The following AP3M2 variants were observed in gnomAD, a reference collection of about 807,000 sequenced individuals.
AP3M2 encodes adaptor related protein complex 3 subunit mu 2.
Under a neutral mutation model 41.6 loss-of-function variants are expected in AP3M2, and 28 were observed. The observed-to-expected ratio is 0.67, with a 90% confidence interval of 0.50 to 0.92. The LOEUF (loss-of-function observed/expected upper bound fraction) is 0.92, where lower values mean the gene tolerates loss of function less well. Among genes scored for constraint, AP3M2 ranks in the 40% least tolerant of loss-of-function variants. AP3M2 has a pLI of 0.00. For synonymous variants in AP3M2, 193 were observed against 186.4 expected (o/e 1.04, Z -0.29); for missense variants, 427 against 521.4 (o/e 0.82, Z 1.76).
chr8:42,154,664 C>T lies in AP3M2; in HGVS notation c.-24C>T, dbSNP rs1308956158. 6.2e-7 allele frequency: 1 copy of T among 1,609,836 alleles called. No individual in the cohort carries two copies. Among genetic ancestry groups the T allele is most frequent in the Non-Finnish European group, 8.5e-7 (1 of 1,177,784 alleles). On this transcript the variant is annotated 5_prime_UTR_variant, in exon 2 of 9. Transcript: ENST00000396926. ...AGGCTTTCAGACTGAAAAAGGCTTT[C>T]TTCTGTCACTGACAATCGCCACCAT...
chr8:42,162,942 T>TAAAA (rs1804545028), intron 4 of AP3M2, among the ~76,000 whole-genome samples: 2 of 24,908 alleles, frequency 8.0e-5, no homozygotes, highest in Admixed American at 7.5e-4. Flanking sequence ...AGACCCTGTC[T>TAAAA]CAAAAAAAAA....
At position 42,167,184 on chromosome 8, in the gene AP3M2, A is replaced by G. The variant is rs774847874; in HGVS notation, c.824A>G (p.Tyr275Cys). ...TCCAGTCTGGTTGCAATCCCAGTGT[A>G]TGTCAAACATAACATCAGTTTCCGG... ...SAQNLVAIPV[Y>C]VKHNISFRDS... Residue 275 changes from tyrosine to cysteine, a missense_variant, in exon 7 of 9, where the codon TAT becomes TGT. Physicochemically the swap from Tyr to Cys is radical, Grantham distance 194 (BLOSUM62 -2). Transcript: ENST00000396926. The G allele has an allele frequency of 1.9e-6, 3 of 1,614,176 alleles. No individual in the cohort carries two copies. Among genetic ancestry groups the G allele is most frequent in the Non-Finnish European group, 2.5e-6 (3 of 1,180,026 alleles).
chr8:42,158,254 T>G (rs1564116373), intron 3 of AP3M2, 142 bp downstream of exon 3: 30 of 823,328 alleles, frequency 3.6e-5, no homozygotes, highest in African/African-American at 5.2e-5. Flanking sequence ...GTAGTTGTTT[T>G]TTTTTTTTTT....
At chr8:42,153,568 G>A (rs896350994) in intron 1 of AP3M2, 1 of 152,290 alleles carries the variant, frequency 6.6e-6, no homozygotes, top group Admixed American at 6.5e-5. Context: ...TTGACCACCC[G>A]CGCCGGTTCG....
chr8:42,156,756 C>A (rs778228750), intron 2 of AP3M2, among the ~76,000 whole-genome samples: 5 of 152,058 alleles, frequency 3.3e-5, no homozygotes, highest in Admixed American at 2.0e-4. Flanking sequence ...CTAGTAGAGT[C>A]TGTTCAGTTT....
At chr8:42,163,591 C>A (rs1047704608) in intron 4 of AP3M2, among the ~76,000 whole-genome samples, 1 of 152,056 alleles carries the variant, frequency 6.6e-6, no homozygotes, top group Admixed American at 6.5e-5. Flanking sequence ...GATTTGGGAG[C>A]AAAGTATGCG....
chr8:42,170,626 C>G lies in AP3M2; in HGVS notation c.*1565C>G, dbSNP rs1804773645. 1 of 152,294 alleles carries G rather than the reference C, an allele frequency of 6.6e-6. No individual in the cohort carries two copies. Among genetic ancestry groups the G allele is most frequent in the African/African-American group, 2.4e-5 (1 of 41,452 alleles). The allele number at this position is 152,294 out of a possible 1,614,324, so 9.4% of individuals were successfully genotyped here. The stretch of plus-strand genomic sequence containing the variant: ...AGTTTTTGCTAGTTTTATCTTCTGA[C>G]TTTGGGACTAGTTTTTGCTGCAGAG... On this transcript the variant is annotated 3_prime_UTR_variant, in exon 9 of 9. Transcript: ENST00000396926.
chr8:42,158,193 G>A, intron 3 of AP3M2, 81 bp downstream of exon 3: 1 of 1,448,788 alleles, frequency 6.9e-7, no homozygotes, highest in East Asian at 2.3e-5. Flanking sequence ...ATTGTTTTGA[G>A]TGTTTGTCTT....
intron 2 of AP3M2, 91 bp downstream of exon 2, chr8:42,155,051 A>C (rs1323275385): frequency 1.3e-6 from 1 of 740,972 alleles, no homozygotes; most frequent in Non-Finnish European, 2.0e-6. Context: ...TAAGAAACTT[A>C]AAAAAAAAAA....
chr8:42,168,254 G>A (rs776554621), intron 8 of AP3M2: 6 of 456,814 alleles, frequency 1.3e-5, no homozygotes, highest in Non-Finnish European at 1.8e-5. Flanking sequence ...TTCCAGGTCA[G>A]TTCACTATAG....
chr8:42,169,942 C>T lies in AP3M2; in HGVS notation c.*881C>T, dbSNP rs925422313. ...CCGGCCATTTTCCTGTTACCTGATC[C>T]TTCTACAGGATTTTTAAAAAGTAAG... On this transcript the variant is annotated 3_prime_UTR_variant, in exon 9 of 9. Transcript: ENST00000396926. 2.0e-5 allele frequency: 3 copies of T among 152,208 alleles called. No individual in the cohort carries two copies. Among genetic ancestry groups the T allele is most frequent in the Admixed American group, 6.5e-5 (1 of 15,276 alleles). The allele number at this position is 152,208 out of a possible 1,614,324, so 9.4% of individuals were successfully genotyped here.
Position 42,154,794 on chromosome 8 carries a change from A to T in AP3M2, c.107A>T (p.Gln36Leu). 1 of 1,614,120 alleles carries T rather than the reference A, an allele frequency of 6.2e-7. No homozygotes were observed. Among genetic ancestry groups the T allele is most frequent in the Non-Finnish European group, 8.5e-7 (1 of 1,180,030 alleles). The change falls in exon 2 of 9, where the codon CAA (glutamine) becomes CTA (leucine). Residue 36 changes from glutamine (Q) to leucine (L), a missense_variant. Transcript: ENST00000396926. The stretch of plus-strand genomic sequence containing the variant: ...GTTTGTGATTACTTTTTTGAGGCGC[A>T]AGAGAGAGCTACTGAGGCAGAAAAT... ...RSVCDYFFEA[Q>L]ERATEAENVP...
intron 2 of AP3M2, 64 bp downstream of exon 2, chr8:42,155,024 T>C (rs1353896457): frequency 7.3e-7 from 1 of 1,367,322 alleles, no homozygotes; most frequent in East Asian, 2.3e-5. Context: ...CCTGTTTCCA[T>C]TGTGTAAAGC....
chr8:42,155,909 C>T (rs749822045), intron 2 of AP3M2: 26 of 450,392 alleles, frequency 5.8e-5, no homozygotes, highest in Non-Finnish European at 9.4e-5. Flanking sequence ...ATCTGCACCA[C>T]GTCTAGAACA....
chr8:42,168,103 T>A (rs1460946507), intron 8 of AP3M2: 1 of 548,344 alleles, frequency 1.8e-6, no homozygotes, highest in Non-Finnish European at 3.4e-6. Context: ...TTAGGGTTGT[T>A]CATTTCAGGT....
chr8:42,162,523 C>A, intron 4 of AP3M2, 105 bp downstream of exon 4: 2 of 1,316,054 alleles, frequency 1.5e-6, no homozygotes, highest in Non-Finnish European at 2.1e-6. Flanking sequence ...TCATCCACTT[C>A]AATTTAGTGC....
intron 2 of AP3M2, 101 bp from the exon 3 acceptor site, chr8:42,157,840 A>C (rs1377665842): frequency 8.5e-7 from 1 of 1,171,548 alleles, no homozygotes; most frequent in African/African-American, 1.6e-5. Context: ...CCAGAAACAC[A>C]TGGACAGGCC....
intron 3 of AP3M2, among the ~76,000 whole-genome samples, chr8:42,160,131 C>T (rs1464786656): frequency 6.6e-6 from 1 of 152,142 alleles, no homozygotes; most frequent in African/African-American, 2.4e-5. Flanking sequence ...AGGAAATGCT[C>T]ATTGGAGGAT....
chr8:42,154,759 C>A lies in AP3M2; in HGVS notation c.72C>A (p.Val24=). The change falls in exon 2 of 9, where the codon GTC becomes GTA. Residue 24 remains valine (V), a synonymous_variant. Transcript: ENST00000396926. ...IFLEKHWKSV[V]SRSVCDYFFE... is the part of the protein sequence containing the mutation. The stretch of plus-strand genomic sequence containing the variant: ...TGGAGAAACATTGGAAAAGTGTGGT[C>A]AGCCGTTCTGTTTGTGATTACTTTT... 1 of 1,614,134 alleles carries A rather than the reference C, an allele frequency of 6.2e-7. No individual in the cohort carries two copies. Among genetic ancestry groups the A allele is most frequent in the South Asian group, 1.1e-5 (1 of 91,070 alleles).
Sources: allele counts gnomAD v4.1 joint callset (sites outside exome capture counted in the v4.1 genomes callset), GRCh38; gene constraint gnomAD v4.1.1; transcripts MANE v1.5; gene names NCBI Gene and HGNC (gene_info 2026-07-23, HGNC 2026-07-21).